IMMP2L: variants seen among roughly 807,000 people sequenced by gnomAD.
IMMP2L encodes mitochondrial inner membrane protease subunit 2.
IMMP2L carries 18 observed loss-of-function variants against 19.3 expected under a neutral mutation model. That is an observed-to-expected ratio of 0.93 (90% CI 0.64 to 1.38). The LOEUF is 1.38. Among genes scored for constraint, IMMP2L ranks in the 40% most tolerant of loss-of-function variants. IMMP2L has a pLI of 0.00. For missense variants in IMMP2L, 233 were observed against 218.2 expected, an observed-to-expected ratio of 1.07 and a Z score of -0.43; for synonymous variants, 76 against 73.0, an observed-to-expected ratio of 1.04 and a Z score of -0.21.
chr7:110,772,900 C>T (rs1370061793), intron 5 of IMMP2L, among the ~76,000 whole-genome samples: 1 of 152,000 alleles, frequency 6.6e-6, no homozygotes, highest in Admixed American at 6.6e-5. Flanking sequence ...CAGAACTGTG[C>T]AAAGGAACAC....
chr7:110,948,178 C>CT (rs982933448), intron 4 of IMMP2L, among the ~76,000 whole-genome samples: 13 of 152,074 alleles, frequency 8.5e-5, no homozygotes, highest in African/African-American at 1.4e-4. Context: ...ACTAGAGATA[C>CT]TTTTTTTAAA....
At chr7:110,832,392 T>C (rs1222498661) in intron 5 of IMMP2L, among the ~76,000 whole-genome samples, 1 of 152,212 alleles carries the variant, frequency 6.6e-6, no homozygotes, top group Non-Finnish European at 1.5e-5. Context: ...AAGTAAGCCA[T>C]GCTAAAGTTC....
At chr7:111,320,249 C>T (rs1287004119) in intron 3 of IMMP2L, among the ~76,000 whole-genome samples, 1 of 152,064 alleles carries the variant, frequency 6.6e-6, no homozygotes, top group African/African-American at 2.4e-5. Flanking sequence ...TCTCCATTCA[C>T]CTCAGTCAAT....
At chr7:111,170,132 T>C (rs1806266544) in intron 3 of IMMP2L, among the ~76,000 whole-genome samples, 1 of 151,896 alleles carries the variant, frequency 6.6e-6, no homozygotes, top group Non-Finnish European at 1.5e-5. Flanking sequence ...TTTTGGCACA[T>C]ATTATGAATT....
At chr7:111,420,866 T>C (rs547950460) in intron 3 of IMMP2L, among the ~76,000 whole-genome samples, 1 of 151,952 alleles carries the variant, frequency 6.6e-6, no homozygotes, top group African/African-American at 2.4e-5. Flanking sequence ...GCAATAAACA[T>C]ACGTGTGCAT....
At chr7:110,831,472 C>G (rs1803963815) in intron 5 of IMMP2L, among the ~76,000 whole-genome samples, 1 of 152,116 alleles carries the variant, frequency 6.6e-6, no homozygotes, top group Non-Finnish European at 1.5e-5. Context: ...GAGAAAACTT[C>G]TTTATTCTTT....
chr7:111,282,302 A>G (rs1269347450), intron 3 of IMMP2L, among the ~76,000 whole-genome samples: 1 of 152,234 alleles, frequency 6.6e-6, no homozygotes, highest in African/African-American at 2.4e-5. Flanking sequence ...GCAGACAGCA[A>G]ATGAAGAAAT....
chr7:111,046,021 C>T (rs575493753), intron 3 of IMMP2L, among the ~76,000 whole-genome samples: 2 of 151,758 alleles, frequency 1.3e-5, no homozygotes, highest in Admixed American at 6.6e-5. Flanking sequence ...GAAATACTCA[C>T]TAGATAAAAA....
chr7:111,408,456 C>T (rs952581389), intron 3 of IMMP2L, among the ~76,000 whole-genome samples: 3 of 151,754 alleles, frequency 2.0e-5, no homozygotes, highest in East Asian at 1.9e-4. Flanking sequence ...GCAACAGTCA[C>T]GCATAAACAC....
chr7:111,298,428 C>T (rs1355438584), intron 3 of IMMP2L, among the ~76,000 whole-genome samples: 1 of 152,026 alleles, frequency 6.6e-6, no homozygotes, highest in Non-Finnish European at 1.5e-5. Flanking sequence ...TTGAAAAATG[C>T]TATGTAAGTA....
chr7:111,421,064 A>G (rs1318099774), intron 3 of IMMP2L, among the ~76,000 whole-genome samples: 3 of 151,736 alleles, frequency 2.0e-5, no homozygotes, highest in Non-Finnish European at 4.4e-5. Flanking sequence ...CCTCTCCAGC[A>G]TCTGTTGTTC....
At chr7:111,089,887 A>T (rs942397707) in intron 3 of IMMP2L, among the ~76,000 whole-genome samples, 2 of 151,150 alleles carry the variant, frequency 1.3e-5, no homozygotes, top group South Asian at 2.1e-4. Flanking sequence ...TTATTATTAT[A>T]ATAACTGCAA....
At chr7:111,320,421 G>A (rs1372971991) in intron 3 of IMMP2L, among the ~76,000 whole-genome samples, 1 of 152,016 alleles carries the variant, frequency 6.6e-6, no homozygotes, top group Non-Finnish European at 1.5e-5. Context: ...TTCTGACCTA[G>A]GTGATTTTAT....
At chr7:111,016,742 A>T (rs1825642744) in intron 3 of IMMP2L, among the ~76,000 whole-genome samples, 1 of 97,612 alleles carries the variant, frequency 1.0e-5, no homozygotes, top group African/African-American at 4.3e-5. Flanking sequence ...TATATATATT[A>T]TATATATTAT....
chr7:110,704,569 G>A (rs768827902), intron 5 of IMMP2L, among the ~76,000 whole-genome samples: 9 of 152,190 alleles, frequency 5.9e-5, no homozygotes, highest in Admixed American at 2.0e-4. Flanking sequence ...GAAGTCAGGT[G>A]ACAATATGGA....
intron 1 of IMMP2L, among the ~76,000 whole-genome samples, chr7:111,558,301 G>C (rs2133177917): frequency 6.6e-6 from 1 of 152,262 alleles, no homozygotes; most frequent in South Asian, 2.1e-4. Flanking sequence ...CAATACCATG[G>C]GTAGTTCCCC....
chr7:110,954,303 G>C (rs1038697430), intron 4 of IMMP2L, among the ~76,000 whole-genome samples: 5 of 152,080 alleles, frequency 3.3e-5, no homozygotes, highest in Non-Finnish European at 7.4e-5. Context: ...CATCTTCATA[G>C]TGGCAATTCT....
At chr7:111,264,983 A>AT (rs1226216563) in intron 3 of IMMP2L, among the ~76,000 whole-genome samples, 2 of 152,156 alleles carry the variant, frequency 1.3e-5, no homozygotes, top group African/African-American at 2.4e-5. Context: ...CATCTTGCAA[A>AT]TAAGCAAGAG....
chr7:111,451,360 C>T (rs1428351722), intron 3 of IMMP2L, among the ~76,000 whole-genome samples: 1 of 151,112 alleles, frequency 6.6e-6, no homozygotes, highest in African/African-American at 2.4e-5. Context: ...GGCACATATA[C>T]ACCATGGAAT....
Sources: allele counts gnomAD v4.1 joint callset (sites outside exome capture counted in the v4.1 genomes callset), GRCh38; gene constraint gnomAD v4.1.1; transcripts MANE v1.5; gene names NCBI Gene and HGNC (gene_info 2026-07-23, HGNC 2026-07-21).